Variants in ME3 observed in about 807,000 individuals in gnomAD.
The protein encoded by ME3 is malic enzyme 3.
ME3 carries 48 observed loss-of-function variants against 68.9 expected under a neutral mutation model. That is an observed-to-expected ratio of 0.70 (90% CI 0.55 to 0.89). The LOEUF (loss-of-function observed/expected upper bound fraction) is 0.89. Among genes scored for constraint, ME3 ranks in the 40% least tolerant of loss-of-function variants. The pLI is 0.00. For missense variants in ME3, 675 were observed against 797.4 expected (o/e 0.85, Z 1.85); for synonymous variants, 320 against 318.8 (o/e 1.00, Z -0.04).
intron 4 of ME3, among the ~76,000 whole-genome samples, chr11:86,510,457 A>T (rs1011288854): frequency 4.6e-5 from 7 of 152,046 alleles, no homozygotes; most frequent in Non-Finnish European, 8.8e-5. Context: ...AATCTGTACT[A>T]TGCCACTTTT....
chr11:86,529,431 G>A (rs12799435), intron 4 of ME3, among the ~76,000 whole-genome samples: 25,428 of 151,968 alleles, frequency 0.17, 2,318 homozygotes, highest in African/African-American at 0.24. Context: ...CAGAGATACA[G>A]GGAGGAGCTG....
chr11:86,471,903 C>G (rs535127623), intron 7 of ME3, among the ~76,000 whole-genome samples: 1 of 152,022 alleles, frequency 6.6e-6, no homozygotes, highest in Non-Finnish European at 1.5e-5. Flanking sequence ...AATGGGGACA[C>G]AGGAAAATAA....
At chr11:86,588,709 C>A (rs1424587163) in intron 2 of ME3, among the ~76,000 whole-genome samples, 5 of 152,170 alleles carry the variant, frequency 3.3e-5, no homozygotes, top group Non-Finnish European at 7.4e-5. Context: ...TGTCCATCCA[C>A]TGAAGTATGA....
intron 2 of ME3, among the ~76,000 whole-genome samples, chr11:86,581,604 A>G (rs1018170298): frequency 6.6e-6 from 1 of 152,220 alleles, no homozygotes; most frequent in Admixed American, 6.5e-5. Context: ...GCTTTGCATT[A>G]TGTCCCCAGA....
At chr11:86,577,780 T>C (rs1180726507) in intron 2 of ME3, among the ~76,000 whole-genome samples, 2 of 152,232 alleles carry the variant, frequency 1.3e-5, no homozygotes, top group Non-Finnish European at 2.9e-5. Flanking sequence ...TTTTACTGCT[T>C]CGTTGTTTCT....
chr11:86,638,520 G>A (rs1221953802), intron 2 of ME3, among the ~76,000 whole-genome samples: 2 of 152,094 alleles, frequency 1.3e-5, no homozygotes, highest in South Asian at 2.1e-4. Context: ...AAAAAAGGAC[G>A]AAAACTCATG....
intron 2 of ME3, among the ~76,000 whole-genome samples, chr11:86,671,545 T>C (rs774608376): frequency 6.6e-6 from 1 of 152,192 alleles, no homozygotes; most frequent in Non-Finnish European, 1.5e-5. Context: ...CAGAAGAAAT[T>C]AGGCTCCCTG....
intron 4 of ME3, among the ~76,000 whole-genome samples, chr11:86,530,399 A>G (rs1340521642): frequency 1.3e-5 from 2 of 152,376 alleles, no homozygotes; most frequent in East Asian, 3.9e-4. Context: ...GGAAGAATCA[A>G]TATCATGGAA....
At chr11:86,472,312 G>A (rs1455065307) in intron 7 of ME3, among the ~76,000 whole-genome samples, 2 of 152,168 alleles carry the variant, frequency 1.3e-5, no homozygotes, top group East Asian at 3.9e-4. Context: ...TAAGCAATCT[G>A]GAGGGCAAGG....
intron 4 of ME3, among the ~76,000 whole-genome samples, chr11:86,528,516 T>C (rs1285318727): frequency 6.6e-6 from 1 of 152,104 alleles, no homozygotes; most frequent in Non-Finnish European, 1.5e-5. Context: ...CTAATAGACA[T>C]CTACAGAACT....
At chr11:86,506,205 T>G (rs1430639705) in intron 5 of ME3, among the ~76,000 whole-genome samples, 1 of 152,228 alleles carries the variant, frequency 6.6e-6, no homozygotes, top group East Asian at 1.9e-4. Flanking sequence ...TGGGGCCTGC[T>G]GGAGTCCTAC....
At chr11:86,561,607 C>T (rs541168541) in intron 2 of ME3, among the ~76,000 whole-genome samples, 1 of 152,308 alleles carries the variant, frequency 6.6e-6, no homozygotes, top group Non-Finnish European at 1.5e-5. Flanking sequence ...TGAATTCCCA[C>T]TCCAACAATA....
intron 2 of ME3, among the ~76,000 whole-genome samples, chr11:86,661,743 C>G (rs142452190): frequency 6.6e-6 from 1 of 152,196 alleles, no homozygotes; most frequent in Non-Finnish European, 1.5e-5. Context: ...ATGCACCTCT[C>G]GTTACATCTA....
intron 7 of ME3, among the ~76,000 whole-genome samples, chr11:86,469,729 C>G (rs1438255198): frequency 6.6e-6 from 1 of 152,230 alleles, no homozygotes; most frequent in Non-Finnish European, 1.5e-5. Context: ...ACACAGATAG[C>G]TTCCCAGACT....
At chr11:86,498,170 G>T in intron 5 of ME3, 46 bp from the exon 6 acceptor site, 1 of 1,565,224 alleles carries the variant, frequency 6.4e-7, no homozygotes, top group South Asian at 1.2e-5. Context: ...CACTTCCTGT[G>T]ACAGGGTGCT....
chr11:86,442,183 G>A (rs1211639157), intron 14 of ME3, among the ~76,000 whole-genome samples: 3 of 152,166 alleles, frequency 2.0e-5, no homozygotes, highest in African/African-American at 7.2e-5. Flanking sequence ...ATTGCACCAT[G>A]TTCTGATTCT....
Position 86,661,743 on chromosome 11 carries a change from C to A in ME3, c.183+10019G>T, listed in dbSNP as rs142452190. On this transcript the variant is annotated intron_variant, in intron 2 of 14. Transcript: ENST00000543262. ...ATAGCACTTGTATGAATGCACCTCT[C>A]GTTACATCTAACCACTGAATTAGAA... 1.9e-3 allele frequency among the ~76,000 whole-genome samples: 285 copies of A among 152,314 alleles called. 2 individuals carry two copies. In the Middle Eastern group the frequency reaches 0.041, roughly 22 times the overall value.
intron 8 of ME3, among the ~76,000 whole-genome samples, chr11:86,464,319 C>G (rs529382906): frequency 2.0e-5 from 3 of 152,348 alleles, no homozygotes; most frequent in African/African-American, 7.2e-5. Context: ...GTGCTCCTTC[C>G]TGTGCACTTC....
intron 2 of ME3, among the ~76,000 whole-genome samples, chr11:86,617,260 A>G (rs1490561372): frequency 6.6e-6 from 1 of 151,676 alleles, no homozygotes; most frequent in Non-Finnish European, 1.5e-5. Context: ...ATGCAGTTAA[A>G]GCACTGAGCA....
Sources: allele counts gnomAD v4.1 joint callset (sites outside exome capture counted in the v4.1 genomes callset), GRCh38; gene constraint gnomAD v4.1.1; transcripts MANE v1.5; gene names NCBI Gene and HGNC (gene_info 2026-07-23, HGNC 2026-07-21).